The following THOC2 variants were observed in gnomAD, a reference collection of about 807,000 sequenced individuals.
THOC2 encodes THO complex subunit 2.
THOC2 carries 10 observed loss-of-function variants against 128.4 expected under a neutral mutation model. That is an observed-to-expected ratio of 0.08 (90% CI 0.05 to 0.13). The LOEUF (loss-of-function observed/expected upper bound fraction) is 0.13, where lower values mean the gene tolerates loss of function less well. THOC2 is among the 10% of genes least tolerant of loss of function. THOC2 has a pLI of 1.00. For missense variants in THOC2, 535 were observed against 1,155.7 expected, an observed-to-expected ratio of 0.46 and a Z score of 7.79; for synonymous variants, 393 against 396.9, an observed-to-expected ratio of 0.99 and a Z score of 0.12.
intron 12 of THOC2, among the ~76,000 whole-genome samples, chrX:123,655,660 C>T (rs1047007496): frequency 3.6e-5 from 4 of 111,313 alleles, no homozygotes; most frequent in African/African-American, 1.3e-4. Context: ...GCCATATTAA[C>T]ACAAGATCAC....
At chrX:123,671,407 CAAACTTAAACTCCATAAAGGTGACCA>C (rs1189838957) in intron 9 of THOC2, among the ~76,000 whole-genome samples, 4 of 112,007 alleles carry the variant, frequency 3.6e-5, no homozygotes, top group African/African-American at 9.7e-5. Flanking sequence ...ACTTCATATC[CAAACTTAAACTCCATAAAGGTGACCA>C]AAACTTAAAC....
intron 2 of THOC2, among the ~76,000 whole-genome samples, chrX:123,712,246 C>T (rs2051225761): frequency 1.8e-5 from 2 of 111,538 alleles, no homozygotes; most frequent in African/African-American, 3.3e-5. Context: ...AGCTTTGCCC[C>T]TCCTTTGCCA....
intron 1 of THOC2, among the ~76,000 whole-genome samples, chrX:123,720,512 A>G (rs2051642478): frequency 8.9e-6 from 1 of 112,049 alleles, no homozygotes; most frequent in African/African-American, 3.2e-5. Flanking sequence ...AGATTCCTCA[A>G]AAAATGAAAA....
rs965063987 is a variant in THOC2, at chrX:123,600,868, G to A, written c.*489C>T. 9 of 112,480 alleles carry A rather than the reference G, an allele frequency of 8.0e-5. No homozygotes were observed. The highest frequency in any genetic ancestry group is 1.7e-4 in the Non-Finnish European group (9 of 53,237). 9.3% of individuals were successfully genotyped at this position (112,480 alleles called of 1,213,427 possible). The stretch of plus-strand genomic sequence containing the variant: ...AAAATGATTCCTAAGCATTTCATAA[G>A]ACAATGCTCCCACTGCTTTTAGTGA... On this transcript the variant is annotated 3_prime_UTR_variant, in exon 39 of 39. Transcript: ENST00000245838.
chrX:123,725,057 A>G (rs748993468), intron 1 of THOC2, among the ~76,000 whole-genome samples: 23 of 111,886 alleles, frequency 2.1e-4, no homozygotes, highest in Middle Eastern at 4.6e-3. Context: ...TGATCGCACC[A>G]CTGCACTCCA....
intron 12 of THOC2, among the ~76,000 whole-genome samples, chrX:123,658,825 T>C (rs758278468): frequency 9.0e-6 from 1 of 111,689 alleles, no homozygotes; most frequent in Non-Finnish European, 1.9e-5. Context: ...CTTTGGGTGA[T>C]GTGTCAATGT....
At chrX:123,643,944 C>A (rs2048026372) in intron 15 of THOC2, among the ~76,000 whole-genome samples, 1 of 111,999 alleles carries the variant, frequency 8.9e-6, no homozygotes, top group African/African-American at 3.2e-5. Context: ...TGACAATAGC[C>A]TCGTTGAAAA....
At chrX:123,682,833 T>A (rs1403352429) in intron 8 of THOC2, among the ~76,000 whole-genome samples, 3 of 111,635 alleles carry the variant, frequency 2.7e-5, no homozygotes, top group African/African-American at 9.8e-5. Flanking sequence ...TATAATAGGG[T>A]TGAACCATGG....
At chrX:123,615,934 G>A (rs1218206561) in intron 33 of THOC2, among the ~76,000 whole-genome samples, 1 of 110,659 alleles carries the variant, frequency 9.0e-6, no homozygotes, top group East Asian at 2.8e-4. Flanking sequence ...TGAATTAAAT[G>A]CATACCCCTT....
chrX:123,727,703 A>G (rs1475631988), intron 1 of THOC2, among the ~76,000 whole-genome samples: 1 of 112,286 alleles, frequency 8.9e-6, no homozygotes, highest in Non-Finnish European at 1.9e-5. Context: ...CAGTTGCCCA[A>G]GTAGCTGGGA....
At chrX:123,717,576 TAA>T (rs2051480529) in intron 1 of THOC2, among the ~76,000 whole-genome samples, 1 of 108,646 alleles carries the variant, frequency 9.2e-6, no homozygotes, top group Admixed American at 9.9e-5. Context: ...TTAGAATAAT[TAA>T]GATTGTTTAA....
In THOC2 at chrX:123,668,174, C is replaced by T; in HGVS notation, c.1002G>A (p.Glu334=). The T allele has an allele frequency of 1.7e-6, 2 of 1,187,474 alleles. No individual in the cohort carries two copies. The highest frequency in any genetic ancestry group is 2.3e-6 in the Non-Finnish European group (2 of 882,161). Residue 334 remains glutamate (E), a synonymous_variant, in exon 10 of 39, where the codon GAG becomes GAA. Coordinates refer to ENST00000245838, the MANE Select transcript of THOC2 (RefSeq NM_001081550.2). Reference sequence around the variant, plus strand: ...AATTACATACTTTCTCTACTTTCTCCTCTTCTTTTTCCTTTTCTTTCTCTC... The same window carrying T: ...AATTACATACTTTCTCTACTTTCTCTTCTTCTTTTTCCTTTTCTTTCTCTC... ...DEREKEKEKE[E]EKVEKPPDNQ...
intron 10 of THOC2, 139 bp downstream of exon 10, chrX:123,668,020 T>C: frequency 2.3e-6 from 1 of 428,526 alleles, no homozygotes; most frequent in Non-Finnish European, 3.7e-6. Flanking sequence ...AAAACCACTG[T>C]AGCAAATGAT....
chrX:123,694,024 T>C (rs2050340492), intron 7 of THOC2, among the ~76,000 whole-genome samples: 1 of 111,085 alleles, frequency 9.0e-6, no homozygotes, highest in Non-Finnish European at 1.9e-5. Flanking sequence ...AAGTAAGTAG[T>C]ATACATTTTC....
At chrX:123,706,207 C>G (rs1475071388) in intron 3 of THOC2, among the ~76,000 whole-genome samples, 1 of 110,703 alleles carries the variant, frequency 9.0e-6, no homozygotes, top group Admixed American at 9.7e-5. Flanking sequence ...ATGTTAGAGC[C>G]AAACAATTGC....
At chrX:123,663,339 T>C (rs2048916434) in intron 12 of THOC2, among the ~76,000 whole-genome samples, 1 of 111,658 alleles carries the variant, frequency 9.0e-6, no homozygotes, top group South Asian at 3.8e-4. Context: ...ACCATATGAT[T>C]CCATTTATTA....
At chrX:123,636,200 A>T (rs1256583535) in intron 18 of THOC2, 25 bp from the exon 19 acceptor site, 1 of 1,104,144 alleles carries the variant, frequency 9.1e-7, no homozygotes, top group Non-Finnish European at 1.2e-6. Flanking sequence ...AAAAGAGTAA[A>T]AACAACTCAT....
chrX:123,644,495 G>C, intron 15 of THOC2, 80 bp downstream of exon 15: 1 of 719,764 alleles, frequency 1.4e-6, no homozygotes, highest in African/African-American at 2.1e-5. Flanking sequence ...CAAAACTGAG[G>C]CTCAGACAAG....
chrX:123,721,329 T>C (rs1603342589), intron 1 of THOC2, among the ~76,000 whole-genome samples: 1 of 108,857 alleles, frequency 9.2e-6, no homozygotes, highest in Non-Finnish European at 1.9e-5. Context: ...TGCACGACCA[T>C]GCCTGGCTAA....
Sources: gnomAD v4.1 joint callset for allele counts (sites outside exome capture counted in the v4.1 genomes callset) on GRCh38, gnomAD v4.1.1 for gene constraint, MANE v1.5 for transcripts, NCBI Gene and HGNC (gene_info 2026-07-23, HGNC 2026-07-21) for gene names.